The following ST3GAL3 variants were observed in gnomAD, a reference collection of about 807,000 sequenced individuals.
The protein encoded by ST3GAL3 is ST3 beta-galactoside alpha-2,3-sialyltransferase 3.
In ST3GAL3, 21 loss-of-function variants were observed where a neutral mutation model predicts 50.1. The observed-to-expected ratio is 0.42, with a 90% CI of 0.30 to 0.60. The LOEUF (loss-of-function observed/expected upper bound fraction) is 0.60. Ranked by LOEUF, ST3GAL3 falls within the 20% of genes least tolerant of loss-of-function variation. The pLI, the probability that ST3GAL3 is intolerant of heterozygous loss-of-function variation, is 0.19. For synonymous variants in ST3GAL3, 183 were observed against 190.0 expected (o/e 0.96, Z 0.30); for missense variants, 353 against 489.4 (o/e 0.72, Z 2.63).
intron 9 of ST3GAL3, chr1:43,913,664 C>A (rs2081314837): frequency 6.6e-6 from 1 of 152,002 alleles, no homozygotes; most frequent in Admixed American, 6.6e-5. Flanking sequence ...TCCCTGAAAT[C>A]TCTGAGGAAA....
intron 2 of ST3GAL3, among the ~76,000 whole-genome samples, chr1:43,746,462 AT>A (rs35545005): frequency 0.53 from 70,592 of 133,174 alleles, 20,312 homozygotes; most frequent in Non-Finnish European, 0.69. Flanking sequence ...TAAAATGGTA[AT>A]TTTTTTTTTT....
At chr1:43,816,978 A>T (rs562858246) in intron 4 of ST3GAL3, among the ~76,000 whole-genome samples, 2 of 152,226 alleles carry the variant, frequency 1.3e-5, no homozygotes, top group East Asian at 1.9e-4. Flanking sequence ...CAAGTTAAGG[A>T]TTCTGCTTTT....
At chr1:43,844,550 G>A (rs148751604) in intron 5 of ST3GAL3, among the ~76,000 whole-genome samples, 2,359 of 152,282 alleles carry the variant, frequency 0.015, 63 homozygotes, top group African/African-American at 0.054. Context: ...GGTGGCTTAC[G>A]CCTGTAATCG....
At chr1:43,831,268 AC>A (rs1055756191) in intron 4 of ST3GAL3, among the ~76,000 whole-genome samples, 1 of 152,196 alleles carries the variant, frequency 6.6e-6, no homozygotes, top group African/African-American at 2.4e-5. Context: ...AATAATACTT[AC>A]CTTAGAGTAG....
intron 2 of ST3GAL3, among the ~76,000 whole-genome samples, chr1:43,752,796 C>T (rs188397076): frequency 4.3e-4 from 66 of 152,300 alleles, no homozygotes; most frequent in Middle Eastern, 3.4e-3. Context: ...GTCCAGTCAA[C>T]AAGTTTTCTT....
chr1:43,849,372 T>G (rs1390681777), intron 5 of ST3GAL3, among the ~76,000 whole-genome samples: 2 of 152,174 alleles, frequency 1.3e-5, no homozygotes, highest in East Asian at 1.9e-4. Context: ...CTTTTTGATG[T>G]GTTAATTTTG....
Position 43,920,918 on chromosome 1 carries a change from C to G in ST3GAL3, c.1028C>G (p.Ala343Gly). The change falls in exon 11 of 12, where the codon GCC becomes GGC. Residue 343 changes from alanine (A) to glycine (G), a missense_variant. Transcript: ENST00000347631. ...LHYYETVRMA[A>G]IKESWTHNIQ... ...TACTATGAGACCGTTCGCATGGCAG[C>G]CATCAAAGAGGTTCGGGGCTGGGTA... 1 of 1,612,720 alleles carries G rather than the reference C, an allele frequency of 6.2e-7. No individual in the cohort carries two copies. Among genetic ancestry groups the G allele is most frequent in the Non-Finnish European group, 8.5e-7 (1 of 1,179,294 alleles).
intron 1 of ST3GAL3, among the ~76,000 whole-genome samples, chr1:43,734,715 A>G (rs1424098217): frequency 6.6e-6 from 1 of 152,104 alleles, no homozygotes; most frequent in Non-Finnish European, 1.5e-5. Flanking sequence ...TGAACTTCCT[A>G]TTCTAATGAT....
intron 5 of ST3GAL3, among the ~76,000 whole-genome samples, chr1:43,879,957 A>T (rs2074820095): frequency 6.6e-6 from 1 of 152,216 alleles, no homozygotes. Context: ...CCTTGGCGAC[A>T]CACAAACACA....
chr1:43,837,519 T>C (rs2064562036), intron 4 of ST3GAL3, among the ~76,000 whole-genome samples: 1 of 152,160 alleles, frequency 6.6e-6, no homozygotes, highest in Non-Finnish European at 1.5e-5. Context: ...CAGATGAGGC[T>C]GGCCATGTAG....
intron 2 of ST3GAL3, chr1:43,736,720 C>A: frequency 2.6e-6 from 1 of 391,568 alleles, no homozygotes; most frequent in South Asian, 2.2e-5. Context: ...TCTATTTTGC[C>A]ATTTATTGCC....
At chr1:43,808,229 G>A (rs374842312) in intron 3 of ST3GAL3, among the ~76,000 whole-genome samples, 3 of 151,508 alleles carry the variant, frequency 2.0e-5, no homozygotes, top group African/African-American at 4.9e-5. Context: ...ACTTGAACCC[G>A]GGAGGTGGCG....
Position 43,887,413 on chromosome 1 carries a change from T to C in ST3GAL3, c.303-6970T>C, listed in dbSNP as rs540916701. Among the ~76,000 whole-genome samples the C allele has an allele frequency of 4.6e-5, 7 of 152,184 alleles. No individual in the cohort carries two copies. In the East Asian group the frequency reaches 1.2e-3, roughly 25 times the overall value. ...CAAGAGAGATAATAGACTAGAAGTA[T>C]GTATAGAAATCAAGTGGGTTTGGAG... On this transcript the variant is annotated intron_variant, in intron 5 of 11. Coordinates refer to ENST00000347631, the MANE Select transcript of ST3GAL3 (RefSeq NM_006279.5).
intron 2 of ST3GAL3, among the ~76,000 whole-genome samples, chr1:43,786,124 T>A (rs1175600658): frequency 6.6e-6 from 1 of 152,084 alleles, no homozygotes; most frequent in African/African-American, 2.4e-5. Context: ...TCCTTATTGA[T>A]CTCCCTGTCT....
At chr1:43,765,906 A>G (rs1692739425) in intron 2 of ST3GAL3, among the ~76,000 whole-genome samples, 1 of 146,096 alleles carries the variant, frequency 6.8e-6, no homozygotes, top group Middle Eastern at 3.4e-3. Flanking sequence ...TCCCTCAGCC[A>G]TAACAGGATT....
At chr1:43,880,910 T>A (rs2075004533) in intron 5 of ST3GAL3, among the ~76,000 whole-genome samples, 1 of 152,232 alleles carries the variant, frequency 6.6e-6, no homozygotes, top group South Asian at 2.1e-4. Flanking sequence ...GTCATTGCTA[T>A]TATTACTGTT....
chr1:43,879,851 C>T (rs921374318), intron 5 of ST3GAL3, among the ~76,000 whole-genome samples: 1 of 152,220 alleles, frequency 6.6e-6, no homozygotes, highest in African/African-American at 2.4e-5. Flanking sequence ...CCATCATACT[C>T]CTGTCCTTCC....
At position 43,930,189 on chromosome 1, in the gene ST3GAL3, C is replaced by T. The variant is rs1173427205; in HGVS notation, c.1096C>T (p.Arg366Cys). 5 of 1,613,992 alleles carry T rather than the reference C, an allele frequency of 3.1e-6. No individual in the cohort carries two copies. The African/African-American group carries it at 4.0e-5, about 13-fold the overall frequency. The change falls in exon 12 of 12, where the codon CGC becomes TGC. Residue 366 changes from arginine to cysteine, a missense_variant. Transcript: ENST00000347631. The part of the protein sequence containing the change: ...KEFLRKLVKA[R>C]VITDLSSGI The stretch of plus-strand genomic sequence containing the variant: ...GTTTCTGCGGAAGCTGGTGAAAGCT[C>T]GCGTCATCACTGATCTAAGCAGTGG...
chr1:43,876,815 G>GGCAGC (rs1478055176), intron 5 of ST3GAL3, among the ~76,000 whole-genome samples: 1 of 152,172 alleles, frequency 6.6e-6, no homozygotes, highest in East Asian at 1.9e-4. Context: ...CTATCCAGTG[G>GGCAGC]GCAGGGCCCA....
Sources: gnomAD v4.1 joint callset for allele counts (sites outside exome capture counted in the v4.1 genomes callset) on GRCh38, gnomAD v4.1.1 for gene constraint, MANE v1.5 for transcripts, NCBI Gene and HGNC (gene_info 2026-07-23, HGNC 2026-07-21) for gene names.